The following CAMK1D variants were observed in gnomAD, a reference collection of about 807,000 sequenced individuals.
The protein encoded by CAMK1D is calcium/calmodulin dependent protein kinase ID, also known as calcium/calmodulin-dependent protein kinase type 1D.
Under a neutral mutation model 47.7 loss-of-function variants are expected in CAMK1D, and 9 were observed. The ratio of observed to expected loss-of-function variants is 0.19; its 90% confidence interval spans 0.11 to 0.33. The LOEUF (loss-of-function observed/expected upper bound fraction) is 0.33, where lower values mean the gene tolerates loss of function less well. Ranked by LOEUF, CAMK1D falls within the 10% of genes least tolerant of loss-of-function variation. CAMK1D has a pLI of 1.00. For missense variants in CAMK1D, 291 were observed against 488.7 expected, an observed-to-expected ratio of 0.60 and a Z score of 3.81; for synonymous variants, 184 against 184.9, an observed-to-expected ratio of 0.99 and a Z score of 0.04.
chr10:12,406,721 T>TTA (rs1839440214), intron 1 of CAMK1D, among the ~76,000 whole-genome samples: 1 of 14,628 alleles, frequency 6.8e-5, no homozygotes, highest in Non-Finnish European at 1.6e-4. Flanking sequence ...AGACCCTGTC[T>TTA]CAAAAAAAAA....
chr10:12,806,346 G>A (rs1838730066), intron 6 of CAMK1D, among the ~76,000 whole-genome samples: 2 of 152,206 alleles, frequency 1.3e-5, no homozygotes, highest in African/African-American at 4.8e-5. Context: ...GTGACAGCCA[G>A]AGGAGTCCCT....
chr10:12,801,391 TATCC>T (rs1554827701), intron 6 of CAMK1D, among the ~76,000 whole-genome samples: 8 of 145,466 alleles, frequency 5.5e-5, no homozygotes, highest in African/African-American at 2.1e-4. Context: ...TCTATCTATC[TATCC>T]ATCCATCTGT....
chr10:12,421,176 G>A (rs117909198), intron 1 of CAMK1D, among the ~76,000 whole-genome samples: 1,747 of 152,298 alleles, frequency 0.011, 9 homozygotes, highest in Middle Eastern at 0.034. Flanking sequence ...CCTGGGCCTG[G>A]TCTCCTTCCC....
chr10:12,762,506 C>T (rs1209540906), intron 4 of CAMK1D, among the ~76,000 whole-genome samples: 1 of 152,106 alleles, frequency 6.6e-6, no homozygotes, highest in African/African-American at 2.4e-5. Flanking sequence ...CGAATGTTCG[C>T]CCATATCAGA....
intron 3 of CAMK1D, among the ~76,000 whole-genome samples, chr10:12,698,556 A>G (rs1833384468): frequency 6.6e-6 from 1 of 152,178 alleles, no homozygotes; most frequent in Admixed American, 6.5e-5. Context: ...GAGACTTGTA[A>G]GTGCTGATAG....
intron 2 of CAMK1D, among the ~76,000 whole-genome samples, chr10:12,559,844 A>G (rs1019945431): frequency 6.6e-6 from 1 of 151,958 alleles, no homozygotes; most frequent in Non-Finnish European, 1.5e-5. Context: ...GTACTTCACA[A>G]GAGGGTGAGG....
chr10:12,551,977 G>A (rs1377775977), intron 1 of CAMK1D, among the ~76,000 whole-genome samples: 1 of 152,220 alleles, frequency 6.6e-6, no homozygotes, highest in Non-Finnish European at 1.5e-5. Context: ...GGAGTTGAAA[G>A]TCTTGGCACA....
intron 2 of CAMK1D, among the ~76,000 whole-genome samples, chr10:12,600,518 G>A (rs1489036586): frequency 6.6e-6 from 1 of 152,196 alleles, no homozygotes. Flanking sequence ...AGTAAATGTT[G>A]ATCTGGCGAC....
At chr10:12,396,317 C>T (rs1050841168) in intron 1 of CAMK1D, among the ~76,000 whole-genome samples, 5 of 152,176 alleles carry the variant, frequency 3.3e-5, no homozygotes, top group African/African-American at 1.2e-4. Context: ...GCATCATTGT[C>T]CACTGTTCCT....
chr10:12,738,886 C>A (rs953568106), intron 3 of CAMK1D, among the ~76,000 whole-genome samples: 1 of 151,990 alleles, frequency 6.6e-6, no homozygotes, highest in Non-Finnish European at 1.5e-5. Context: ...TAAGATTATG[C>A]AAACTTCAAA....
intron 6 of CAMK1D, among the ~76,000 whole-genome samples, chr10:12,812,521 C>A (rs1832647482): frequency 6.6e-6 from 1 of 152,090 alleles, no homozygotes; most frequent in Non-Finnish European, 1.5e-5. Context: ...GAGGCTGAGG[C>A]AGAATAATAG....
chr10:12,628,401 G>C (rs1314651116), intron 2 of CAMK1D, among the ~76,000 whole-genome samples: 1 of 152,106 alleles, frequency 6.6e-6, no homozygotes, highest in East Asian at 1.9e-4. Flanking sequence ...CACTGTGTGT[G>C]TGTCTAATTA....
At chr10:12,793,338 G>A (rs978684039) in intron 6 of CAMK1D, among the ~76,000 whole-genome samples, 5 of 152,114 alleles carry the variant, frequency 3.3e-5, no homozygotes, top group Admixed American at 3.3e-4. Flanking sequence ...CTCCCTTTGG[G>A]TTTGTTTGTA....
intron 1 of CAMK1D, among the ~76,000 whole-genome samples, chr10:12,390,311 A>G (rs915320557): frequency 1.3e-5 from 2 of 152,044 alleles, no homozygotes; most frequent in Non-Finnish European, 2.9e-5. Flanking sequence ...GCCTCAAGTG[A>G]TCCTCCTGTC....
rs557772879 is a variant in CAMK1D, at chr10:12,667,475, C to G, written c.299+665C>G. ...TGAAAATGCATTTTTAAAAATTTAG[C>G]TGAAATTAGCCTCCCTGCCTGCATA... is the stretch of plus-strand genomic sequence containing the variant. On this transcript the variant is annotated intron_variant, in intron 3 of 10. Coordinates refer to ENST00000619168, the MANE Select transcript of CAMK1D (RefSeq NM_153498.4). 1.4e-4 allele frequency among the ~76,000 whole-genome samples: 21 copies of G among 152,288 alleles called. No homozygotes were observed. In the South Asian group the frequency reaches 4.1e-3, roughly 30 times the overall value.
chr10:12,613,968 A>G (rs952961764), intron 2 of CAMK1D, among the ~76,000 whole-genome samples: 10 of 152,180 alleles, frequency 6.6e-5, no homozygotes, highest in Non-Finnish European at 4.4e-5. Flanking sequence ...TAATAATACC[A>G]TGTTCTGGTC....
At chr10:12,696,365 C>T (rs755586119) in intron 3 of CAMK1D, among the ~76,000 whole-genome samples, 5 of 152,062 alleles carry the variant, frequency 3.3e-5, no homozygotes, top group Non-Finnish European at 7.3e-5. Flanking sequence ...GGCGAAACCC[C>T]GTCTCTACTA....
chr10:12,805,191 A>C (rs1480192186), intron 6 of CAMK1D, among the ~76,000 whole-genome samples: 1 of 150,900 alleles, frequency 6.6e-6, no homozygotes, highest in East Asian at 2.0e-4. Flanking sequence ...CCCAGGAGGT[A>C]GAGGTTGCAG....
intron 1 of CAMK1D, among the ~76,000 whole-genome samples, chr10:12,456,081 T>G (rs1335952706): frequency 1.3e-5 from 2 of 152,222 alleles, no homozygotes; most frequent in African/African-American, 4.8e-5. Flanking sequence ...CTTTATCGCT[T>G]CTGCAGATAG....
Sources: allele counts gnomAD v4.1 joint callset (sites outside exome capture counted in the v4.1 genomes callset), GRCh38; gene constraint gnomAD v4.1.1; transcripts MANE v1.5; gene names NCBI Gene and HGNC (gene_info 2026-07-23, HGNC 2026-07-21).